CNTNAP2: variants seen among roughly 807,000 people sequenced by gnomAD.
The protein encoded by CNTNAP2 is contactin associated protein 2.
A neutral mutation model predicts 155.2 loss-of-function variants in CNTNAP2; 98 were observed. The ratio of observed to expected loss-of-function variants is 0.63; its 90% CI spans 0.54 to 0.75. The LOEUF (loss-of-function observed/expected upper bound fraction) is 0.75. Ranked by LOEUF, CNTNAP2 falls within the 30% of genes least tolerant of loss-of-function variation. The pLI, the probability that CNTNAP2 is intolerant of heterozygous loss-of-function variation, is 0.00. For missense variants in CNTNAP2, 1,727 were observed against 1,688.1 expected (o/e 1.02, Z -0.40); for synonymous variants, 651 against 631.2 (o/e 1.03, Z -0.47).
chr7:147,409,808 A>T (rs1051161003), intron 10 of CNTNAP2, among the ~76,000 whole-genome samples: 2 of 152,084 alleles, frequency 1.3e-5, no homozygotes, highest in African/African-American at 4.8e-5. Flanking sequence ...AAAAACCTCA[A>T]CATCACTGAT....
At chr7:146,970,602 C>T (rs372466687) in intron 3 of CNTNAP2, among the ~76,000 whole-genome samples, 1,764 of 151,982 alleles carry the variant, frequency 0.012, 11 homozygotes, top group Non-Finnish European at 0.018. Context: ...AACACTTTTA[C>T]ACTGTTGGTG....
At chr7:147,792,807 C>G (rs1301772619) in intron 13 of CNTNAP2, among the ~76,000 whole-genome samples, 1 of 152,122 alleles carries the variant, frequency 6.6e-6, no homozygotes, top group Non-Finnish European at 1.5e-5. Context: ...CACCATTTTA[C>G]ATCCCCATCA....
intron 1 of CNTNAP2, among the ~76,000 whole-genome samples, chr7:146,224,626 G>A (rs113056441): frequency 4.7e-4 from 71 of 151,998 alleles, no homozygotes; most frequent in African/African-American, 1.4e-3. Context: ...AAAAGTAGCC[G>A]GGCTTGGTGG....
chr7:147,754,013 TA>T (rs1797178323), intron 13 of CNTNAP2, among the ~76,000 whole-genome samples: 1 of 152,116 alleles, frequency 6.6e-6, no homozygotes, highest in South Asian at 2.1e-4. Context: ...CCTGCAGCCC[TA>T]AGTACCACTG....
intron 2 of CNTNAP2, among the ~76,000 whole-genome samples, chr7:146,776,681 GTTT>G (rs1563226366): frequency 6.6e-6 from 1 of 152,040 alleles, no homozygotes; most frequent in African/African-American, 2.4e-5. Flanking sequence ...TCTGCCTTTG[GTTT>G]TTTAATGGGA....
At chr7:148,242,059 C>T (rs1456322259) in intron 20 of CNTNAP2, among the ~76,000 whole-genome samples, 3 of 152,128 alleles carry the variant, frequency 2.0e-5, no homozygotes, top group African/African-American at 7.2e-5. Flanking sequence ...CCTCCAAGTG[C>T]ATTAAATACA....
At chr7:146,407,053 G>T (rs1169103450) in intron 1 of CNTNAP2, among the ~76,000 whole-genome samples, 1 of 152,198 alleles carries the variant, frequency 6.6e-6, no homozygotes, top group Non-Finnish European at 1.5e-5. Flanking sequence ...TGCTAAAATA[G>T]TGCCTTGGGT....
At chr7:147,413,345 A>T (rs1797135224) in intron 10 of CNTNAP2, among the ~76,000 whole-genome samples, 1 of 152,214 alleles carries the variant, frequency 6.6e-6, no homozygotes, top group Non-Finnish European at 1.5e-5. Context: ...TTCCAACACA[A>T]CAGGCTTTCC....
intron 3 of CNTNAP2, among the ~76,000 whole-genome samples, chr7:146,846,022 AT>A (rs1215174773): frequency 2.6e-5 from 4 of 152,242 alleles, no homozygotes; most frequent in Non-Finnish European, 5.9e-5. Flanking sequence ...AATATAAAAT[AT>A]AAATGCCATT....
chr7:147,788,959 A>T (rs545763128), intron 13 of CNTNAP2, among the ~76,000 whole-genome samples: 53 of 140,944 alleles, frequency 3.8e-4, no homozygotes, highest in Non-Finnish European at 6.7e-4. Flanking sequence ...GGCTGGAGTA[A>T]AGTGGTGTGA....
At chr7:146,889,470 A>C (rs1355178456) in intron 3 of CNTNAP2, among the ~76,000 whole-genome samples, 1 of 152,266 alleles carries the variant, frequency 6.6e-6, no homozygotes, top group Non-Finnish European at 1.5e-5. Flanking sequence ...AGTGAGATTC[A>C]TAGACGTGTC....
At chr7:148,028,871 G>A (rs34842703) in intron 15 of CNTNAP2, among the ~76,000 whole-genome samples, 12,705 of 152,120 alleles carry the variant, frequency 0.084, 674 homozygotes, top group East Asian at 0.29. Context: ...GATGGCTCTC[G>A]GTTCCCCTAT....
intron 12 of CNTNAP2, among the ~76,000 whole-genome samples, chr7:147,635,027 C>T (rs1795152109): frequency 6.6e-6 from 1 of 152,136 alleles, no homozygotes; most frequent in African/African-American, 2.4e-5. Context: ...CAGGCATTCA[C>T]ATGGCTTGCT....
At chr7:147,597,396 C>T (rs112502463) in intron 12 of CNTNAP2, among the ~76,000 whole-genome samples, 22 of 152,264 alleles carry the variant, frequency 1.4e-4, no homozygotes, top group African/African-American at 3.9e-4. Flanking sequence ...TGTTTTGACA[C>T]GGTCCATGTT....
intron 1 of CNTNAP2, among the ~76,000 whole-genome samples, chr7:146,611,164 G>T (rs1474780245): frequency 6.6e-6 from 1 of 152,204 alleles, no homozygotes; most frequent in Non-Finnish European, 1.5e-5. Context: ...GGGGTGCAGT[G>T]GTGCAATCAC....
chr7:146,230,938 T>C (rs1207926131), intron 1 of CNTNAP2, among the ~76,000 whole-genome samples: 1 of 151,846 alleles, frequency 6.6e-6, no homozygotes, highest in Admixed American at 6.6e-5. Context: ...TTGCTTGAAC[T>C]CAGGAGGCAG....
At chr7:147,181,345 A>G (rs952050283) in intron 8 of CNTNAP2, among the ~76,000 whole-genome samples, 1 of 152,354 alleles carries the variant, frequency 6.6e-6, no homozygotes, top group Admixed American at 6.5e-5. Flanking sequence ...TGCATATTTT[A>G]AAGATTAGAA....
intron 15 of CNTNAP2, among the ~76,000 whole-genome samples, chr7:148,111,503 CAAAGG>C (rs1286918721): frequency 1.4e-5 from 2 of 142,524 alleles, no homozygotes; most frequent in African/African-American, 5.2e-5. Context: ...AAGTAGAACA[CAAAGG>C]AAAAAGATCA....
intron 15 of CNTNAP2, among the ~76,000 whole-genome samples, chr7:148,061,196 G>C (rs1045681193): frequency 6.9e-6 from 1 of 144,704 alleles, no homozygotes; most frequent in Non-Finnish European, 1.5e-5. Flanking sequence ...TTAAAAAGGA[G>C]TAAATGAAAC....
Sources: allele counts gnomAD v4.1 joint callset (sites outside exome capture counted in the v4.1 genomes callset), GRCh38; gene constraint gnomAD v4.1.1; transcripts MANE v1.5; gene names NCBI Gene and HGNC (gene_info 2026-07-23, HGNC 2026-07-21).